NOS1AP: variants seen among roughly 807,000 people sequenced by gnomAD.
The protein encoded by NOS1AP is carboxyl-terminal PDZ ligand of neuronal nitric oxide synthase protein.
NOS1AP carries 21 observed loss-of-function variants against 56.2 expected under a neutral mutation model. That is an observed-to-expected ratio of 0.37 (90% CI 0.26 to 0.54). NOS1AP has a LOEUF of 0.54. NOS1AP is among the 20% of genes least tolerant of loss of function. The probability of loss-of-function intolerance (pLI) is 0.84; values close to 1 mark genes in which losing one functional copy is unlikely to be tolerated. For synonymous variants in NOS1AP, 270 were observed against 274.6 expected (o/e 0.98, Z 0.17); for missense variants, 522 against 657.8 (o/e 0.79, Z 2.26).
At chr1:162,330,648 G>C (rs569498149) in intron 4 of NOS1AP, among the ~76,000 whole-genome samples, 1 of 152,202 alleles carries the variant, frequency 6.6e-6, no homozygotes, top group Non-Finnish European at 1.5e-5. Context: ...GAAGCCTTTG[G>C]ATGGCTTTAA....
intron 8 of NOS1AP, chr1:162,360,684 C>T (rs2101825391): frequency 2.5e-6 from 1 of 394,242 alleles, no homozygotes. Flanking sequence ...CGCATCCCCA[C>T]CCCAGGCCCT....
At chr1:162,322,532 T>A (rs1656455766) in intron 4 of NOS1AP, among the ~76,000 whole-genome samples, 1 of 152,068 alleles carries the variant, frequency 6.6e-6, no homozygotes. Context: ...ATGGTGGGAA[T>A]CCTCAGACGC....
At chr1:162,282,247 C>A (rs1304848242) in intron 2 of NOS1AP, among the ~76,000 whole-genome samples, 1 of 152,228 alleles carries the variant, frequency 6.6e-6, no homozygotes, top group Non-Finnish European at 1.5e-5. Flanking sequence ...TGTTAAACAA[C>A]TTCCATTTCC....
In NOS1AP at chr1:162,357,025, G is replaced by A. The variant is rs756068745; in HGVS notation, c.828G>A (p.Ser276=). 6.0e-5 allele frequency: 97 copies of A among 1,613,662 alleles called. No individual in the cohort carries two copies. The Admixed American group carries it at 1.3e-3, about 21-fold the overall frequency. The change falls in exon 8 of 10, where the codon TCG becomes TCA. Residue 276 remains serine (S), a synonymous_variant. Transcript: ENST00000361897. ...SPRMLLPSSS[S]KPPGLGTETP... ...GGATGCTGCTCCCTTCTTCTTCCTC[G>A]AAGCCTCCAGGCCTGGGCACAGAGA...
intron 9 of NOS1AP, among the ~76,000 whole-genome samples, chr1:162,366,368 G>A (rs1158543496): frequency 6.6e-6 from 1 of 152,218 alleles, no homozygotes; most frequent in Non-Finnish European, 1.5e-5. Context: ...CCATTTTACA[G>A]ATGAGGTAAC....
At chr1:162,323,501 G>A (rs1217008354) in intron 4 of NOS1AP, among the ~76,000 whole-genome samples, 1 of 152,216 alleles carries the variant, frequency 6.6e-6, no homozygotes, top group African/African-American at 2.4e-5. Context: ...TTCTTCATCT[G>A]TAAAATGGAG....
intron 2 of NOS1AP, among the ~76,000 whole-genome samples, chr1:162,165,608 A>G (rs1028893629): frequency 2.6e-5 from 4 of 152,148 alleles, no homozygotes; most frequent in Admixed American, 6.5e-5. Context: ...TGAACGTGGT[A>G]TGGTTGTGGT....
At chr1:162,081,749 T>TATATAGATA (rs1558090522) in intron 1 of NOS1AP, among the ~76,000 whole-genome samples, 3 of 65,366 alleles carry the variant, frequency 4.6e-5, no homozygotes, top group African/African-American at 1.4e-4. Flanking sequence ...TATATCTATA[T>TATATAGATA]CTATAGATAT....
At chr1:162,255,747 A>G (rs971072594) in intron 2 of NOS1AP, among the ~76,000 whole-genome samples, 1 of 152,066 alleles carries the variant, frequency 6.6e-6, no homozygotes, top group African/African-American at 2.4e-5. Context: ...CACAAACAAG[A>G]GAAACGTTGG....
At chr1:162,353,739 C>T (rs1056197712) in intron 6 of NOS1AP, among the ~76,000 whole-genome samples, 1 of 152,252 alleles carries the variant, frequency 6.6e-6, no homozygotes, top group South Asian at 2.1e-4. Flanking sequence ...GAAATTTCAC[C>T]CTGCTTTTTC....
At chr1:162,102,802 T>G (rs1647338988) in intron 1 of NOS1AP, among the ~76,000 whole-genome samples, 1 of 152,186 alleles carries the variant, frequency 6.6e-6, no homozygotes, top group Admixed American at 6.5e-5. Flanking sequence ...TATTTCTGAT[T>G]GTGTTTATTT....
chr1:162,165,296 G>A (rs964431131), intron 2 of NOS1AP, among the ~76,000 whole-genome samples: 4 of 152,108 alleles, frequency 2.6e-5, no homozygotes, highest in Non-Finnish European at 5.9e-5. Flanking sequence ...ACTCCAGCCT[G>A]GGTAACAAGA....
intron 2 of NOS1AP, among the ~76,000 whole-genome samples, chr1:162,278,139 C>A (rs1207451099): frequency 6.6e-6 from 1 of 152,194 alleles, no homozygotes; most frequent in Non-Finnish European, 1.5e-5. Context: ...CCTGGCCTCA[C>A]CAAATGCCTT....
intron 4 of NOS1AP, among the ~76,000 whole-genome samples, chr1:162,309,206 AAG>A (rs1655942268): frequency 6.6e-6 from 1 of 152,230 alleles, no homozygotes; most frequent in South Asian, 2.1e-4. Flanking sequence ...GTTAACAATC[AAG>A]AGTTTAAATG....
At chr1:162,249,192 G>A (rs1320213118) in intron 2 of NOS1AP, among the ~76,000 whole-genome samples, 1 of 152,136 alleles carries the variant, frequency 6.6e-6, no homozygotes, top group African/African-American at 2.4e-5. Context: ...GGGGGATGGT[G>A]GGACCTGGAG....
intron 3 of NOS1AP, among the ~76,000 whole-genome samples, chr1:162,299,762 G>C (rs1203790461): frequency 1.3e-5 from 2 of 152,176 alleles, no homozygotes; most frequent in African/African-American, 2.4e-5. Flanking sequence ...TGGTGTGTGT[G>C]TGTGTGTGTC....
chr1:162,150,537 A>G (rs1241379796), intron 1 of NOS1AP, among the ~76,000 whole-genome samples: 1 of 152,220 alleles, frequency 6.6e-6, no homozygotes, highest in African/African-American at 2.4e-5. Context: ...AGGAACCTCC[A>G]AACTGTTCTC....
chr1:162,093,641 A>G (rs1294926267), intron 1 of NOS1AP, among the ~76,000 whole-genome samples: 5 of 151,486 alleles, frequency 3.3e-5, no homozygotes, highest in Non-Finnish European at 5.9e-5. Context: ...TGCAGCTTTG[A>G]ACTCCTGGGC....
chr1:162,070,683 G>T (rs1181210581), intron 1 of NOS1AP, among the ~76,000 whole-genome samples: 2 of 152,126 alleles, frequency 1.3e-5, no homozygotes, highest in African/African-American at 4.8e-5. Flanking sequence ...CCCAGGGAGA[G>T]GTGCTTTCAG....
Sources: gnomAD v4.1 joint callset for allele counts (sites outside exome capture counted in the v4.1 genomes callset) on GRCh38, gnomAD v4.1.1 for gene constraint, MANE v1.5 for transcripts, NCBI Gene and HGNC (gene_info 2026-07-23, HGNC 2026-07-21) for gene names.